MEMO1: variants seen among roughly 807,000 people sequenced by gnomAD.
MEMO1 encodes protein MEMO1.
A neutral mutation model predicts 45.2 loss-of-function variants in MEMO1; 6 were observed. That is an observed-to-expected ratio of 0.13 (90% CI 0.07 to 0.26). The LOEUF (loss-of-function observed/expected upper bound fraction) is 0.26. Ranked by LOEUF, MEMO1 falls within the 10% of genes least tolerant of loss-of-function variation. The pLI is 1.00. For missense variants in MEMO1, 184 were observed against 370.5 expected, an observed-to-expected ratio of 0.50 and a Z score of 4.13; for synonymous variants, 78 against 124.3, an observed-to-expected ratio of 0.63 and a Z score of 2.48.
In MEMO1 at chr2:31,934,046, G is replaced by A. The variant is rs1187161997; in HGVS notation, c.144-1911C>T. Among the ~76,000 whole-genome samples the A allele has an allele frequency of 5.3e-5, 8 of 152,216 alleles. No individual in the cohort carries two copies. In the East Asian group the frequency reaches 5.8e-4, roughly 11 times the overall value. ...AGTTCTCTTACCAGTTTATAAGTACGCCATCTTGCCTGTCCATGTGGACCT... is the reference window on the plus strand; with the variant it reads ...AGTTCTCTTACCAGTTTATAAGTACACCATCTTGCCTGTCCATGTGGACCT... On this transcript the variant is annotated intron_variant, in intron 3 of 9. Transcript: ENST00000404530.
chr2:31,951,711 T>G lies in MEMO1; in HGVS notation c.62-8328A>C, dbSNP rs553533012. ...CCGCACCCGGCTAATTTTTGTACTT[T>G]AGTAGAGATGAGGTTTCACCATCTT... On this transcript the variant is annotated intron_variant, in intron 2 of 9. Coordinates refer to ENST00000404530, the MANE Select transcript of MEMO1 (RefSeq NM_001301833.4). Among the ~76,000 whole-genome samples, 160 of 152,144 alleles carry G rather than the reference T, an allele frequency of 1.1e-3. 1 individual carries two copies. The highest frequency in any genetic ancestry group is 3.6e-3 in the African/African-American group (148 of 41,492).
chr2:32,010,075 G>T, intron 2 of MEMO1, 112 bp downstream of exon 2: 1 of 399,134 alleles, frequency 2.5e-6, no homozygotes, highest in Non-Finnish European at 3.4e-6. Flanking sequence ...CGGCCCGTCC[G>T]CGCCCTCTTC....
intron 4 of MEMO1, among the ~76,000 whole-genome samples, chr2:31,921,475 T>A (rs1160535903): frequency 6.6e-6 from 1 of 152,174 alleles, no homozygotes; most frequent in African/African-American, 2.4e-5. Context: ...ATACCAGTTA[T>A]CAATTAATAC....
chr2:31,938,093 C>A (rs1431694343), intron 3 of MEMO1, among the ~76,000 whole-genome samples: 1 of 152,114 alleles, frequency 6.6e-6, no homozygotes, highest in Non-Finnish European at 1.5e-5. Flanking sequence ...AAATTAATTT[C>A]TTTTAAATCC....
chr2:31,949,058 G>C (rs1666508612), intron 2 of MEMO1, among the ~76,000 whole-genome samples: 1 of 152,096 alleles, frequency 6.6e-6, no homozygotes, highest in Non-Finnish European at 1.5e-5. Context: ...ACTACAATGA[G>C]ATATCATCTC....
At chr2:31,967,683 A>G (rs1315773704) in intron 2 of MEMO1, among the ~76,000 whole-genome samples, 1 of 152,098 alleles carries the variant, frequency 6.6e-6, no homozygotes, top group East Asian at 1.9e-4. Flanking sequence ...GGCTCAAGTG[A>G]TCCATCCAGC....
chr2:31,964,240 G>A (rs1474345963), intron 2 of MEMO1, among the ~76,000 whole-genome samples: 1 of 151,500 alleles, frequency 6.6e-6, no homozygotes, highest in Non-Finnish European at 1.5e-5. Context: ...ACACATACAC[G>A]TACACAAACA....
chr2:31,879,774 A>G (rs1320421601), intron 8 of MEMO1, among the ~76,000 whole-genome samples: 2 of 152,220 alleles, frequency 1.3e-5, no homozygotes, highest in African/African-American at 4.8e-5. Flanking sequence ...TTGTATAACC[A>G]CACTTCAAAT....
chr2:31,910,988 T>A (rs1680481141), intron 6 of MEMO1, among the ~76,000 whole-genome samples: 1 of 150,492 alleles, frequency 6.6e-6, no homozygotes, highest in Non-Finnish European at 1.5e-5. Context: ...AAAATTATAG[T>A]CATATAAAAC....
chr2:31,978,363 G>A (rs1283609532), intron 2 of MEMO1, among the ~76,000 whole-genome samples: 1 of 152,142 alleles, frequency 6.6e-6, no homozygotes, highest in African/African-American at 2.4e-5. Flanking sequence ...ACTCCACCCT[G>A]AGCAAGACAG....
intron 4 of MEMO1, among the ~76,000 whole-genome samples, chr2:31,925,513 A>T (rs559928821): frequency 1.5e-4 from 22 of 142,088 alleles, no homozygotes; most frequent in African/African-American, 5.7e-4. Context: ...GTTCCCGGAG[A>T]TACTTTCCCC....
Position 31,868,545 on chromosome 2 carries a change from C to T in MEMO1, c.763-53G>A, listed in dbSNP as rs1673199194. On this transcript the variant is annotated intron_variant, in intron 9 of 9. Transcript: ENST00000404530. Reference sequence around the variant, plus strand: ...CACACATCACATAAAAAACTGGGCACTCAATGTGTTTGCGGTTTGACTTTG... The same window carrying T: ...CACACATCACATAAAAAACTGGGCATTCAATGTGTTTGCGGTTTGACTTTG... 5 of 1,497,166 alleles carry T rather than the reference C, an allele frequency of 3.3e-6. No homozygotes were observed. In the South Asian group the frequency reaches 7.0e-5, roughly 21 times the overall value. The allele number at this position is 1,497,166 out of a possible 1,614,324, so 92.7% of individuals were successfully genotyped here.
intron 6 of MEMO1, among the ~76,000 whole-genome samples, chr2:31,898,157 A>G (rs1678172009): frequency 1.3e-5 from 2 of 151,868 alleles, no homozygotes; most frequent in African/African-American, 4.8e-5. Context: ...AATCTTTTGA[A>G]AAAACCAGCT....
At chr2:31,969,982 AG>A (rs1669186291) in intron 2 of MEMO1, among the ~76,000 whole-genome samples, 1 of 150,252 alleles carries the variant, frequency 6.7e-6, no homozygotes, top group Admixed American at 6.6e-5. Flanking sequence ...TTTTCTTGGC[AG>A]GGGACGGGGA....
intron 5 of MEMO1, among the ~76,000 whole-genome samples, chr2:31,920,409 T>A (rs2148173454): frequency 6.6e-6 from 1 of 152,286 alleles, no homozygotes; most frequent in East Asian, 1.9e-4. Flanking sequence ...AATAAAGATA[T>A]TATCAGCATT....
intron 6 of MEMO1, among the ~76,000 whole-genome samples, chr2:31,902,650 T>G (rs1679038092): frequency 1.3e-5 from 2 of 152,208 alleles, no homozygotes; most frequent in Non-Finnish European, 2.9e-5. Context: ...GCCCTTCTTT[T>G]TTTGTCTTAT....
intron 2 of MEMO1, among the ~76,000 whole-genome samples, chr2:31,957,483 T>C (rs1047497307): frequency 1.3e-5 from 2 of 152,214 alleles, no homozygotes; most frequent in Non-Finnish European, 2.9e-5. Flanking sequence ...TAAGAATTGC[T>C]ATTTAACAAA....
At chr2:31,941,302 C>T (rs1665585237) in intron 3 of MEMO1, among the ~76,000 whole-genome samples, 1 of 152,140 alleles carries the variant, frequency 6.6e-6, no homozygotes, top group African/African-American at 2.4e-5. Context: ...ACCTGAAACC[C>T]TCTTCCCTCA....
At chr2:31,970,245 C>A (rs1477553048) in intron 2 of MEMO1, among the ~76,000 whole-genome samples, 1 of 152,060 alleles carries the variant, frequency 6.6e-6, no homozygotes, top group Admixed American at 6.6e-5. Flanking sequence ...GCTGAGATTA[C>A]AGGAATGAGC....
Sources: gnomAD v4.1 joint callset for allele counts (sites outside exome capture counted in the v4.1 genomes callset) on GRCh38, gnomAD v4.1.1 for gene constraint, MANE v1.5 for transcripts, NCBI Gene and HGNC (gene_info 2026-07-23, HGNC 2026-07-21) for gene names.